Variants in CEACAM20 observed in about 807,000 individuals in gnomAD.
The protein encoded by CEACAM20 is CEA cell adhesion molecule 20.
Under a neutral mutation model 61.2 loss-of-function variants are expected in CEACAM20, and 50 were observed. That is an observed-to-expected ratio of 0.82 (90% CI 0.65 to 1.03). CEACAM20 has a LOEUF of 1.03. CEACAM20 is among the 50% of genes least tolerant of loss of function. The probability of loss-of-function intolerance (pLI) is 0.00; values close to 1 mark genes in which losing one functional copy is unlikely to be tolerated. For missense variants in CEACAM20, 683 were observed against 736.4 expected, an observed-to-expected ratio of 0.93 and a Z score of 0.84; for synonymous variants, 282 against 287.7, an observed-to-expected ratio of 0.98 and a Z score of 0.20.
At chr19:44,513,895 A>G (rs1235378) in intron 6 of CEACAM20, among the ~76,000 whole-genome samples, 92,541 of 152,054 alleles carry the variant, frequency 0.61, 28,522 homozygotes, top group Middle Eastern at 0.8. Context: ...TAGGGCTTCT[A>G]GAAAGATTAA....
chr19:44,511,711 G>A, intron 9 of CEACAM20, 39 bp from the exon 10 acceptor site: 3 of 1,603,544 alleles, frequency 1.9e-6, no homozygotes, highest in Non-Finnish European at 2.6e-6. Flanking sequence ...CATAGGGCTT[G>A]GAATAGGGGC....
At chr19:44,518,103 A>AAAGAAAGAAAGAAAGAAAGAAAGAAAGG (rs1971232127) in intron 5 of CEACAM20, among the ~76,000 whole-genome samples, 3 of 42,894 alleles carry the variant, frequency 7.0e-5, no homozygotes, top group African/African-American at 2.6e-4. Context: ...AGAAAGAAAG[A>AAAGAAAGAAAGAAAGAAAGAAAGAAAGG]AAGGAAGGAA....
intron 2 of CEACAM20, among the ~76,000 whole-genome samples, chr19:44,524,770 G>A (rs183564986): frequency 1.1e-4 from 16 of 151,990 alleles, no homozygotes; most frequent in African/African-American, 1.4e-4. Flanking sequence ...TTGTACACAT[G>A]GGGTCCCCCT....
intron 2 of CEACAM20, among the ~76,000 whole-genome samples, chr19:44,524,476 T>C (rs1479530034): frequency 6.6e-6 from 1 of 152,128 alleles, no homozygotes; most frequent in African/African-American, 2.4e-5. Context: ...TTGAAAGTGA[T>C]TGTGCAAGTG....
rs541869056 is a variant in CEACAM20, at chr19:44,529,349, C to T, written c.52+109G>A. The T allele has an allele frequency of 8.7e-5, 83 of 950,184 alleles. 1 individual carries two copies. Among genetic ancestry groups the T allele is most frequent in the Middle Eastern group, 4.4e-4 (2 of 4,578 alleles). The allele number at this position is 950,184 out of a possible 1,614,324, so 58.9% of individuals were successfully genotyped here. A position where few individuals can be genotyped will look rare whatever the true frequency, so the allele number is the denominator to read the frequency against. ...TTCTCTGCCTCCATCTCTTTTTCCT[C>T]GAGTGCACACACACACACACACACA... On this transcript the variant is annotated intron_variant, in intron 1 of 11. Transcript: ENST00000614924.
chr19:44,511,047 T>C lies in CEACAM20; in HGVS notation c.1720A>G (p.Met574Val). The stretch of plus-strand genomic sequence containing the variant: ...AAACATACCTCATAGATTGACTCCA[T>C]GTTTTTTGGCACAGTGGAGACCAAT... ...LRLVSTVPKNMESIYEELVNP... is the reference protein window; with the variant it reads ...LRLVSTVPKNVESIYEELVNP... The change falls in exon 11 of 12, where the codon ATG becomes GTG. Residue 574 changes from methionine (M) to valine (V), a missense_variant. Transcript: ENST00000614924. The C allele has an allele frequency of 6.2e-7, 1 of 1,613,968 alleles. No individual in the cohort carries two copies. The highest frequency in any genetic ancestry group is 1.3e-5 in the African/African-American group (1 of 75,052).
At chr19:44,509,652 G>C (rs913189615) in intron 11 of CEACAM20, among the ~76,000 whole-genome samples, 5 of 152,154 alleles carry the variant, frequency 3.3e-5, no homozygotes, top group Non-Finnish European at 7.4e-5. Context: ...GAATAGAATA[G>C]AGTGGGGTGG....
Position 44,518,167 on chromosome 19 carries a change from G to GAAGGAAGGAAGA in CEACAM20, c.1031-944_1031-943insTCTTCCTTCCTT, listed in dbSNP as rs1555743496. Among the ~76,000 whole-genome samples the GAAGGAAGGAAGA allele has an allele frequency of 7.0e-4, 34 of 48,678 alleles. 1 individual carries two copies. The highest frequency in any genetic ancestry group is 8.2e-4 in the Non-Finnish European group (21 of 25,474). The allele number at this position is 48,678 out of a possible 152,430, so 31.9% of individuals were successfully genotyped here. On this transcript the variant is annotated intron_variant, in intron 5 of 11. Coordinates refer to ENST00000614924, the MANE Select transcript of CEACAM20 (RefSeq NM_001102597.3). ...GGAAGGAAGGAAGGAAGGAAGGAAG[G>GAAGGAAGGAAGA]AAGAAAGCAGGCAGGCAGGCAGGCA...
At position 44,529,487 on chromosome 19, in the gene CEACAM20, C is replaced by T; in HGVS notation, c.23G>A (p.Gly8Glu). 1 of 1,613,752 alleles carries T rather than the reference C, an allele frequency of 6.2e-7. No homozygotes were observed. Among genetic ancestry groups the T allele is most frequent in the Non-Finnish European group, 8.5e-7 (1 of 1,179,830 alleles). Residue 8 changes from glycine (G) to glutamate (E), a missense_variant, in exon 1 of 12, where the codon GGA (glycine) becomes GAA (glutamate). Gly to Glu is a moderately conservative substitution (Grantham distance 98). Transcript: ENST00000614924. MGPADSWGHHWMGILLSA... is the reference protein window; with the variant it reads MGPADSWEHHWMGILLSA... ...AAGCAGGATTCCCATCCAGTGGTGT[C>T]CCCATGAGTCAGCAGGCCCCATGGG...
intron 11 of CEACAM20, among the ~76,000 whole-genome samples, chr19:44,506,617 G>A (rs953964025): frequency 1.3e-5 from 2 of 152,238 alleles, no homozygotes; most frequent in Non-Finnish European, 2.9e-5. Flanking sequence ...AAGATGCAAT[G>A]TTGTGAGCTG....
intron 1 of CEACAM20, among the ~76,000 whole-genome samples, chr19:44,526,573 CG>C (rs1319858273): frequency 6.6e-6 from 1 of 151,280 alleles, no homozygotes; most frequent in Non-Finnish European, 1.5e-5. Flanking sequence ...CACACCACTA[CG>C]GGGGCTGCAA....
intron 1 of CEACAM20, among the ~76,000 whole-genome samples, chr19:44,527,833 G>A (rs1971574188): frequency 6.6e-6 from 1 of 152,228 alleles, no homozygotes; most frequent in African/African-American, 2.4e-5. Context: ...GCAAAATCAT[G>A]TCTTCACTTC....
chr19:44,517,311 A>T, intron 5 of CEACAM20, 87 bp from the exon 6 acceptor site: 1 of 1,500,662 alleles, frequency 6.7e-7, no homozygotes, highest in Non-Finnish European at 9.0e-7. Flanking sequence ...TTGGAATTTC[A>T]GTAAAATAAA....
chr19:44,512,762 C>T, intron 8 of CEACAM20, 106 bp downstream of exon 8: 1 of 872,232 alleles, frequency 1.1e-6, no homozygotes, highest in Non-Finnish European at 1.8e-6. Flanking sequence ...ACAGGGCTTG[C>T]CCTGATCATA....
intron 3 of CEACAM20, among the ~76,000 whole-genome samples, chr19:44,523,252 T>A (rs1971424841): frequency 6.6e-6 from 1 of 151,712 alleles, no homozygotes. Context: ...CTACAAAAAA[T>A]TTAAAAATTA....
intron 1 of CEACAM20, among the ~76,000 whole-genome samples, chr19:44,528,752 C>T (rs996867969): frequency 4.0e-5 from 6 of 151,442 alleles, no homozygotes; most frequent in Admixed American, 2.6e-4. Context: ...CTGTCAGTCT[C>T]TTGCATCTGT....
intron 5 of CEACAM20, among the ~76,000 whole-genome samples, chr19:44,518,037 C>T (rs1971222152): frequency 2.0e-5 from 3 of 150,482 alleles, no homozygotes; most frequent in African/African-American, 7.4e-5. Flanking sequence ...GATTGTGCCA[C>T]TGCACTCCGT....
chr19:44,529,649 G>T lies in CEACAM20; in HGVS notation c.-140C>A. 1.5e-6 allele frequency: 1 copy of T among 657,012 alleles called. No individual in the cohort carries two copies. The highest frequency in any genetic ancestry group is 1.8e-5 in the South Asian group (1 of 54,434). The allele number at this position is 657,012 out of a possible 1,614,324, so 40.7% of individuals were successfully genotyped here. On this transcript the variant is annotated 5_prime_UTR_variant, in exon 1 of 12. Coordinates refer to ENST00000614924, the MANE Select transcript of CEACAM20 (RefSeq NM_001102597.3). ...CCTGCTACAAACTCACACACACACT[G>T]CAGTAACTGCAGCTCCCAGGACAGA...
rs1287674597 is a variant in CEACAM20 at position 44,511,673 on chromosome 19, C to G, written c.1576-1G>C. ...CCTCTGGAAGGTCTGGTGGTTGCAT[C>G]TGGGGAAAAACAAAGTTGCAGAGAG... On this transcript the variant is annotated splice_acceptor_variant, in intron 9 of 11. Coordinates refer to ENST00000614924, the MANE Select transcript of CEACAM20 (RefSeq NM_001102597.3). LOFTEE classifies it high-confidence loss of function. 6.8e-6 allele frequency: 11 copies of G among 1,612,418 alleles called. No homozygotes were observed. The highest frequency in any genetic ancestry group is 1.3e-5 in the African/African-American group (1 of 74,904).
Sources: gnomAD v4.1 joint callset for allele counts (sites outside exome capture counted in the v4.1 genomes callset) on GRCh38, gnomAD v4.1.1 for gene constraint, MANE v1.5 for transcripts, NCBI Gene and HGNC (gene_info 2026-07-23, HGNC 2026-07-21) for gene names.